SCMH1: variants seen among roughly 807,000 people sequenced by gnomAD.
The protein encoded by SCMH1 is polycomb protein SCMH1.
Under a neutral mutation model 70.8 loss-of-function variants are expected in SCMH1, and 37 were observed. The observed-to-expected ratio is 0.52, with a 90% CI of 0.40 to 0.69. SCMH1 has a LOEUF of 0.69. SCMH1 is among the 30% of genes least tolerant of loss of function. The pLI is 0.00. For missense variants in SCMH1, 607 were observed against 827.3 expected (o/e 0.73, Z 3.27); for synonymous variants, 292 against 307.4 (o/e 0.95, Z 0.52).
chr1:41,198,656 T>C (rs1653601393), intron 1 of SCMH1, among the ~76,000 whole-genome samples: 1 of 152,184 alleles, frequency 6.6e-6, no homozygotes, highest in Non-Finnish European at 1.5e-5. Context: ...GGAAAAACTG[T>C]AAGGTGCTAC....
intron 8 of SCMH1, among the ~76,000 whole-genome samples, chr1:41,079,029 GGA>G: frequency 6.6e-6 from 1 of 152,296 alleles, no homozygotes; most frequent in Admixed American, 6.5e-5. Context: ...GCATTATTTG[GGA>G]GTAGTTAGAG....
chr1:41,185,229 G>C (rs1287060094), intron 2 of SCMH1, among the ~76,000 whole-genome samples: 1 of 151,928 alleles, frequency 6.6e-6, no homozygotes. Context: ...AGGTAATAAG[G>C]ATTAAAAAAA....
intron 10 of SCMH1, among the ~76,000 whole-genome samples, chr1:41,051,936 C>T (rs1648326194): frequency 6.6e-6 from 1 of 152,218 alleles, no homozygotes; most frequent in South Asian, 2.1e-4. Flanking sequence ...CACTCATTCA[C>T]CACTCACTCA....
chr1:41,121,191 CTGCCTGGCATACAG>C (rs776814028), intron 6 of SCMH1, among the ~76,000 whole-genome samples: 2 of 129,570 alleles, frequency 1.5e-5, no homozygotes, highest in Non-Finnish European at 3.6e-5. Flanking sequence ...ACTTAAAACA[CTGCCTGGCATACAG>C]GCAGGAGTTA....
At chr1:41,054,938 C>G (rs901320204) in intron 10 of SCMH1, among the ~76,000 whole-genome samples, 37 of 152,186 alleles carry the variant, frequency 2.4e-4, no homozygotes, top group Admixed American at 1.9e-3. Flanking sequence ...TGTGCATCAT[C>G]ATGCCCAACT....
intron 8 of SCMH1, among the ~76,000 whole-genome samples, chr1:41,088,846 G>A (rs72663770): frequency 1.1e-3 from 165 of 152,224 alleles, no homozygotes; most frequent in Middle Eastern, 6.8e-3. Flanking sequence ...GGATGTTGGC[G>A]GAAACTAAGA....
At chr1:41,078,849 C>T (rs775043508) in intron 8 of SCMH1, among the ~76,000 whole-genome samples, 19 of 152,108 alleles carry the variant, frequency 1.2e-4, no homozygotes, top group Non-Finnish European at 2.1e-4. Flanking sequence ...GGATGAAGAA[C>T]ACGAGAAAGG....
intron 6 of SCMH1, among the ~76,000 whole-genome samples, chr1:41,140,815 G>C (rs1195180435): frequency 6.6e-6 from 1 of 152,106 alleles, no homozygotes. Flanking sequence ...AAATCCAAGA[G>C]AGCTATCAAA....
chr1:41,227,567 A>G (rs1476899500), intron 1 of SCMH1, among the ~76,000 whole-genome samples: 1 of 152,206 alleles, frequency 6.6e-6, no homozygotes, highest in East Asian at 1.9e-4. Context: ...TCATAGAGAC[A>G]TAAAGTAAAA....
intron 5 of SCMH1, among the ~76,000 whole-genome samples, chr1:41,145,260 A>T (rs902630516): frequency 1.3e-5 from 2 of 152,122 alleles, no homozygotes; most frequent in Non-Finnish European, 2.9e-5. Flanking sequence ...TATGGCATAG[A>T]GGTAGAGTCC....
chr1:41,120,857 T>G (rs1035127607), intron 6 of SCMH1, among the ~76,000 whole-genome samples: 86 of 152,328 alleles, frequency 5.6e-4, no homozygotes, highest in African/African-American at 1.9e-3. Context: ...TGGTTCTCTT[T>G]TATTACACTA....
chr1:41,138,877 GT>G (rs1557617143), intron 6 of SCMH1, among the ~76,000 whole-genome samples: 2 of 152,044 alleles, frequency 1.3e-5, no homozygotes, highest in Non-Finnish European at 2.9e-5. Context: ...AAATTTTCAA[GT>G]GCTATTTTCT....
intron 8 of SCMH1, among the ~76,000 whole-genome samples, chr1:41,096,597 T>C (rs1228549030): frequency 6.6e-6 from 1 of 152,068 alleles, no homozygotes; most frequent in East Asian, 1.9e-4. Context: ...CAGGGTAGAT[T>C]GGAGAGGAAA....
intron 1 of SCMH1, among the ~76,000 whole-genome samples, chr1:41,228,682 G>A (rs939980835): frequency 2.0e-5 from 3 of 151,904 alleles, no homozygotes; most frequent in Admixed American, 6.6e-5. Flanking sequence ...GTACTTAGGA[G>A]GCTGCAGTGA....
chr1:41,072,987 A>G (rs1657053351), intron 9 of SCMH1, among the ~76,000 whole-genome samples: 1 of 152,242 alleles, frequency 6.6e-6, no homozygotes. Context: ...ATGCTAGGAC[A>G]TAAAACACAG....
At chr1:41,051,891 G>A (rs778890335) in intron 10 of SCMH1, among the ~76,000 whole-genome samples, 8 of 152,126 alleles carry the variant, frequency 5.3e-5, no homozygotes, top group African/African-American at 1.4e-4. Flanking sequence ...CCACAGTAGT[G>A]TACAGTAATA....
intron 1 of SCMH1, among the ~76,000 whole-genome samples, chr1:41,209,320 T>C (rs544756671): frequency 1.1e-3 from 166 of 152,308 alleles, no homozygotes; most frequent in African/African-American, 3.8e-3. Context: ...CTTCTGAAAC[T>C]ATTCCAAGCA....
intron 2 of SCMH1, among the ~76,000 whole-genome samples, chr1:41,182,625 T>A (rs1021074366): frequency 6.6e-6 from 1 of 152,066 alleles, no homozygotes; most frequent in Non-Finnish European, 1.5e-5. Flanking sequence ...ATGGGAGGAT[T>A]GCTTGAGCCC....
chr1:41,199,178 T>C (rs1653716231), intron 1 of SCMH1, among the ~76,000 whole-genome samples: 1 of 152,170 alleles, frequency 6.6e-6, no homozygotes, highest in South Asian at 2.1e-4. Flanking sequence ...AACTATAACA[T>C]TATTATCCAA....
Sources: allele counts gnomAD v4.1 joint callset (sites outside exome capture counted in the v4.1 genomes callset), GRCh38; gene constraint gnomAD v4.1.1; transcripts MANE v1.5; gene names NCBI Gene and HGNC (gene_info 2026-07-23, HGNC 2026-07-21).